ST3GAL3: variants seen among roughly 807,000 people sequenced by gnomAD.
ST3GAL3 encodes CMP-N-acetylneuraminate-beta-1,4-galactoside alpha-2,3-sialyltransferase.
ST3GAL3 carries 21 observed loss-of-function variants against 50.1 expected under a neutral mutation model. The ratio of observed to expected loss-of-function variants is 0.42; its 90% CI spans 0.30 to 0.60. ST3GAL3 has a LOEUF of 0.60. ST3GAL3 is among the 20% of genes least tolerant of loss of function. The pLI, the probability that ST3GAL3 is intolerant of heterozygous loss-of-function variation, is 0.19. For synonymous variants in ST3GAL3, 183 were observed against 190.0 expected, an observed-to-expected ratio of 0.96 and a Z score of 0.30; for missense variants, 353 against 489.4, an observed-to-expected ratio of 0.72 and a Z score of 2.63.
intron 2 of ST3GAL3, among the ~76,000 whole-genome samples, chr1:43,789,483 G>A (rs985690608): frequency 2.6e-5 from 4 of 152,156 alleles, no homozygotes; most frequent in African/African-American, 9.7e-5. Flanking sequence ...TTCATGGTAC[G>A]TGAATTATAC....
chr1:43,748,603 T>G (rs1178929808), intron 2 of ST3GAL3, among the ~76,000 whole-genome samples: 1 of 152,026 alleles, frequency 6.6e-6, no homozygotes, highest in East Asian at 1.9e-4. Context: ...AAAAAATTTT[T>G]ATAAAGACAG....
chr1:43,881,546 TC>T (rs1463397032), intron 5 of ST3GAL3, among the ~76,000 whole-genome samples: 1 of 151,806 alleles, frequency 6.6e-6, no homozygotes, highest in Non-Finnish European at 1.5e-5. Context: ...GTTCCCCACT[TC>T]CCTCCCTCCT....
intron 11 of ST3GAL3, among the ~76,000 whole-genome samples, chr1:43,926,388 G>A (rs1461715106): frequency 2.6e-5 from 4 of 152,096 alleles, no homozygotes; most frequent in East Asian, 1.9e-4. Flanking sequence ...CGGGAGTTCC[G>A]AGACCAGCCT....
At chr1:43,763,374 G>A (rs2154123455) in intron 2 of ST3GAL3, among the ~76,000 whole-genome samples, 1 of 152,116 alleles carries the variant, frequency 6.6e-6, no homozygotes, top group African/African-American at 2.4e-5. Context: ...TTACAATTAC[G>A]AGATACTGGG....
At chr1:43,850,979 C>T in intron 5 of ST3GAL3, 1 of 910,036 alleles carries the variant, frequency 1.1e-6, no homozygotes, top group Non-Finnish European at 1.8e-6. Flanking sequence ...CTCTCAGGTT[C>T]TTGTGAGTGG....
chr1:43,876,553 G>GT (rs1451385634), intron 5 of ST3GAL3, among the ~76,000 whole-genome samples: 1 of 152,176 alleles, frequency 6.6e-6, no homozygotes, highest in African/African-American at 2.4e-5. Context: ...GCCTGAGTCA[G>GT]TAATGTGGAA....
At chr1:43,927,878 G>A (rs752032901) in intron 11 of ST3GAL3, among the ~76,000 whole-genome samples, 5 of 152,190 alleles carry the variant, frequency 3.3e-5, no homozygotes, top group Non-Finnish European at 5.9e-5. Flanking sequence ...CGCCTTCAGA[G>A]GCTGTGGAGT....
intron 11 of ST3GAL3, among the ~76,000 whole-genome samples, chr1:43,928,599 GA>G (rs963588621): frequency 1.4e-3 from 190 of 136,582 alleles, no homozygotes; most frequent in Admixed American, 4.2e-3. Context: ...GACACCATCT[GA>G]AAAAAAAAAC....
chr1:43,881,169 C>T (rs2075057011), intron 5 of ST3GAL3, among the ~76,000 whole-genome samples: 2 of 152,176 alleles, frequency 1.3e-5, no homozygotes, highest in Admixed American at 6.5e-5. Context: ...CATCACTGTG[C>T]CTGGCTAATT....
intron 1 of ST3GAL3, among the ~76,000 whole-genome samples, chr1:43,730,342 A>G (rs1317830855): frequency 6.6e-6 from 1 of 152,128 alleles, no homozygotes; most frequent in East Asian, 1.9e-4. Context: ...CATCTCTTGC[A>G]TTTGGCACAG....
chr1:43,865,668 A>G (rs1057411670), intron 5 of ST3GAL3, among the ~76,000 whole-genome samples: 5 of 152,164 alleles, frequency 3.3e-5, no homozygotes, highest in Non-Finnish European at 7.4e-5. Context: ...GAAAGGAGAC[A>G]CCTAATCAAA....
At chr1:43,779,696 G>T (rs999369530) in intron 2 of ST3GAL3, among the ~76,000 whole-genome samples, 1 of 152,112 alleles carries the variant, frequency 6.6e-6, no homozygotes, top group Non-Finnish European at 1.5e-5. Flanking sequence ...TTCTAATACG[G>T]TTAGAGCAAT....
chr1:43,903,265 C>A (rs996596407), intron 9 of ST3GAL3, among the ~76,000 whole-genome samples: 1 of 152,188 alleles, frequency 6.6e-6, no homozygotes, highest in Non-Finnish European at 1.5e-5. Context: ...GGAGACACCC[C>A]ATCCACTGTC....
At chr1:43,797,852 A>G (rs1463034122) in intron 3 of ST3GAL3, among the ~76,000 whole-genome samples, 1 of 152,224 alleles carries the variant, frequency 6.6e-6, no homozygotes, top group Non-Finnish European at 1.5e-5. Flanking sequence ...AATCTACAAA[A>G]ACATTCCTAG....
chr1:43,858,717 A>G (rs1252288756), intron 5 of ST3GAL3, among the ~76,000 whole-genome samples: 1 of 152,204 alleles, frequency 6.6e-6, no homozygotes, highest in Non-Finnish European at 1.5e-5. Flanking sequence ...AGCTCAGCAG[A>G]GAGCAAGATG....
chr1:43,786,017 T>C (rs2057285723), intron 2 of ST3GAL3, among the ~76,000 whole-genome samples: 1 of 150,952 alleles, frequency 6.6e-6, no homozygotes, highest in Non-Finnish European at 1.5e-5. Flanking sequence ...CTTTTAAGCA[T>C]TTTTTTTTGG....
Position 43,899,039 on chromosome 1 carries a change from G to T in ST3GAL3, c.462-129G>T. Reference sequence around the variant, plus strand: ...CCTTCTCTCAGAAATGCTGCCAGAAGCCCATTGGTCTTCTTCCTCTATCCC... The same window carrying T: ...CCTTCTCTCAGAAATGCTGCCAGAATCCCATTGGTCTTCTTCCTCTATCCC... On this transcript the variant is annotated intron_variant, in intron 7 of 11. Transcript: ENST00000347631. The surrounding 1 kb of genome is among the most constrained non-coding windows in gnomAD (Gnocchi z 5.4). 7.7e-7 allele frequency: 1 copy of T among 1,292,232 alleles called. No individual in the cohort carries two copies. Among genetic ancestry groups the T allele is most frequent in the Admixed American group, 2.0e-5 (1 of 50,500 alleles). 80.0% of individuals were successfully genotyped at this position (1,292,232 alleles called of 1,614,324 possible). A position where few individuals can be genotyped will look rare whatever the true frequency, so the allele number is the denominator to read the frequency against.
chr1:43,921,376 G>A (rs1333347522), intron 11 of ST3GAL3: 6 of 459,250 alleles, frequency 1.3e-5, no homozygotes, highest in Non-Finnish European at 2.3e-5. Context: ...CCAAACATCC[G>A]TATGTAGGGT....
At chr1:43,859,602 A>C (rs548015766) in intron 5 of ST3GAL3, among the ~76,000 whole-genome samples, 25 of 152,250 alleles carry the variant, frequency 1.6e-4, no homozygotes, top group African/African-American at 1.2e-4. Flanking sequence ...AAACAAAATG[A>C]CACCTTTGGC....
Sources: allele counts gnomAD v4.1 joint callset (sites outside exome capture counted in the v4.1 genomes callset), GRCh38; gene constraint gnomAD v4.1.1; non-coding constraint Gnocchi (gnomAD v3.1); transcripts MANE v1.5; gene names NCBI Gene and HGNC (gene_info 2026-07-23, HGNC 2026-07-21).